SHISA9: variants seen among roughly 807,000 people sequenced by gnomAD.
The protein encoded by SHISA9 is protein shisa-9.
A neutral mutation model predicts 38.0 loss-of-function variants in SHISA9; 13 were observed. The observed-to-expected ratio is 0.34, with a 90% CI of 0.22 to 0.54. The LOEUF is 0.54. Among genes scored for constraint, SHISA9 ranks in the 20% least tolerant of loss-of-function variants. The probability of loss-of-function intolerance (pLI) is 0.91; values close to 1 mark genes in which losing one functional copy is unlikely to be tolerated. For synonymous variants in SHISA9, 275 were observed against 242.0 expected, an observed-to-expected ratio of 1.14 and a Z score of -1.27; for missense variants, 538 against 575.8, an observed-to-expected ratio of 0.93 and a Z score of 0.67.
Position 12,916,823 on chromosome 16 carries a change from C to T in SHISA9, c.691+8C>T, listed in dbSNP as rs1230465717. Reference sequence around the variant, plus strand: ...CCCCCATAAATAATCTTCGTAAGTACAGCTGCATGAACCATTTCCAGTCCC... The same window carrying T: ...CCCCCATAAATAATCTTCGTAAGTATAGCTGCATGAACCATTTCCAGTCCC... On this transcript the variant is annotated splice_region_variant and intron_variant, in intron 2 of 4. Transcript: ENST00000558583. 11 of 1,550,750 alleles carry T rather than the reference C, an allele frequency of 7.1e-6. No individual in the cohort carries two copies. The highest frequency in any genetic ancestry group is 8.7e-7 in the Non-Finnish European group (1 of 1,146,526).
chr16:13,269,955 G>A, the SHISA9 span, among the ~76,000 whole-genome samples: 3 of 152,156 alleles, frequency 2.0e-5, no homozygotes, highest in African/African-American at 7.2e-5. Flanking sequence ...GCTGACATTT[G>A]CCAAAAGTGA....
the SHISA9 span, among the ~76,000 whole-genome samples, chr16:13,451,636 C>G: frequency 2.2e-4 from 33 of 152,284 alleles, no homozygotes; most frequent in African/African-American, 7.9e-4. Context: ...AGAGAGAATT[C>G]TAGCAAGAGG....
chr16:13,388,439 G>A, the SHISA9 span, among the ~76,000 whole-genome samples: 16 of 151,822 alleles, frequency 1.1e-4, no homozygotes, highest in South Asian at 2.1e-4. Flanking sequence ...AGCTTCCTGA[G>A]TAGCTGGGAC....
intron 1 of SHISA9, chr16:12,902,846 G>C (rs2071038235): frequency 1.8e-6 from 1 of 561,980 alleles, no homozygotes. Flanking sequence ...GTGTGTGTGT[G>C]AGCGTGTGTG....
At chr16:13,227,315 A>C (rs8053943) in intron 4 of SHISA9, among the ~76,000 whole-genome samples, 1 of 152,052 alleles carries the variant, frequency 6.6e-6, no homozygotes, top group Non-Finnish European at 1.5e-5. Context: ...AAGTAGAACA[A>C]TGTTCAAAGG....
the SHISA9 span, among the ~76,000 whole-genome samples, chr16:13,528,429 A>T: frequency 1.3e-5 from 2 of 152,130 alleles, no homozygotes; most frequent in Admixed American, 6.5e-5. Flanking sequence ...AAAAATAAGA[A>T]AAAAAGTCCA....
the SHISA9 span, among the ~76,000 whole-genome samples, chr16:13,499,237 G>C: frequency 6.6e-6 from 1 of 152,228 alleles, no homozygotes; most frequent in South Asian, 2.1e-4. Context: ...TCTGAAGTTG[G>C]GCAGGAACAA....
the SHISA9 span, among the ~76,000 whole-genome samples, chr16:13,270,965 T>G: frequency 6.6e-6 from 1 of 152,188 alleles, no homozygotes; most frequent in Non-Finnish European, 1.5e-5. Context: ...GTTAGCTCTA[T>G]AGCCTGACTT....
chr16:13,137,878 A>T (rs1038786492), intron 2 of SHISA9, among the ~76,000 whole-genome samples: 20 of 152,196 alleles, frequency 1.3e-4, no homozygotes, highest in African/African-American at 4.6e-4. Flanking sequence ...TCTTTGCCTG[A>T]AATGCCATTT....
At chr16:13,411,374 T>C in the SHISA9 span, among the ~76,000 whole-genome samples, 2 of 152,240 alleles carry the variant, frequency 1.3e-5, no homozygotes, top group Admixed American at 1.3e-4. Flanking sequence ...TGAACTTCTC[T>C]TCTTTAACTT....
the SHISA9 span, among the ~76,000 whole-genome samples, chr16:13,431,962 G>C: frequency 1.3e-5 from 2 of 152,188 alleles, no homozygotes; most frequent in Admixed American, 1.3e-4. Flanking sequence ...TCAGGAGGCT[G>C]AGGCAGGAGA....
At chr16:13,535,080 T>C in the SHISA9 span, among the ~76,000 whole-genome samples, 1 of 152,010 alleles carries the variant, frequency 6.6e-6, no homozygotes, top group Non-Finnish European at 1.5e-5. Flanking sequence ...CCCCCCTCTC[T>C]ACTGAAAATA....
chr16:13,126,843 CTG>C (rs1160549951), intron 2 of SHISA9, among the ~76,000 whole-genome samples: 1 of 62,392 alleles, frequency 1.6e-5, no homozygotes, highest in African/African-American at 5.4e-5. Context: ...GAGAGAGAGA[CTG>C]AGGGAAAGAA....
rs185673208 is a variant in SHISA9 at position 13,152,088 on chromosome 16, A to G, written c.692-51306A>G. ...ACAAAGCAGAAACCTTATTTCGTGCATATTATCATACTGCTTTTTTCATTC... is the reference window on the plus strand; with the variant it reads ...ACAAAGCAGAAACCTTATTTCGTGCGTATTATCATACTGCTTTTTTCATTC... On this transcript the variant is annotated intron_variant, in intron 2 of 4. Transcript: ENST00000558583. Among the ~76,000 whole-genome samples, 275 of 152,344 alleles carry G rather than the reference A, an allele frequency of 1.8e-3. 1 individual carries two copies. Among genetic ancestry groups the G allele is most frequent in the Middle Eastern group, 3.4e-3 (1 of 294 alleles).
At chr16:13,381,878 T>C in the SHISA9 span, among the ~76,000 whole-genome samples, 1 of 152,188 alleles carries the variant, frequency 6.6e-6, no homozygotes, top group Non-Finnish European at 1.5e-5. Context: ...TAATTATGTG[T>C]ATTATTTTGT....
the SHISA9 span, among the ~76,000 whole-genome samples, chr16:13,442,085 A>G: frequency 6.6e-6 from 1 of 152,250 alleles, no homozygotes; most frequent in Non-Finnish European, 1.5e-5. Flanking sequence ...GTTAGCCTCA[A>G]TAGCTTCCAA....
chr16:13,493,753 T>C, the SHISA9 span, among the ~76,000 whole-genome samples: 1 of 152,042 alleles, frequency 6.6e-6, no homozygotes, highest in Non-Finnish European at 1.5e-5. Flanking sequence ...GAAACAGTGT[T>C]CCCTGGGTAA....
chr16:13,200,345 G>A (rs1447560315), intron 2 of SHISA9, among the ~76,000 whole-genome samples: 2 of 151,234 alleles, frequency 1.3e-5, no homozygotes, highest in African/African-American at 4.9e-5. Context: ...GTGTTTCCCC[G>A]GAAGTCACTA....
At chr16:13,292,712 G>C in the SHISA9 span, among the ~76,000 whole-genome samples, 2 of 152,008 alleles carry the variant, frequency 1.3e-5, no homozygotes, top group African/African-American at 2.4e-5. Context: ...TACAATACAA[G>C]GGCAGGGAAT....
Sources: allele counts gnomAD v4.1 joint callset (sites outside exome capture counted in the v4.1 genomes callset), GRCh38; gene constraint gnomAD v4.1.1; transcripts MANE v1.5; gene names NCBI Gene and HGNC (gene_info 2026-07-23, HGNC 2026-07-21).